Variants in ZBTB38 observed in about 807,000 individuals in gnomAD.
ZBTB38 encodes the protein zinc finger and BTB domain-containing protein 38.
ZBTB38 carries 20 observed loss-of-function variants against 76.8 expected under a neutral mutation model. The observed-to-expected ratio is 0.26, with a 90% confidence interval of 0.18 to 0.38. The LOEUF (loss-of-function observed/expected upper bound fraction) is 0.38, where lower values mean the gene tolerates loss of function less well. Ranked by LOEUF, ZBTB38 falls within the 10% of genes least tolerant of loss-of-function variation. ZBTB38 has a pLI of 1.00. For missense variants in ZBTB38, 1,082 were observed against 1,482.3 expected (o/e 0.73, Z 4.43); for synonymous variants, 504 against 544.2 (o/e 0.93, Z 1.03).
rs377451103 is a variant in ZBTB38, at chr3:141,445,666, G to A, written c.3278G>A (p.Arg1093His). The change falls in exon 6 of 6, where the codon CGT (arginine) becomes CAT (histidine). Residue 1093 changes from arginine to histidine, a missense_variant. Physicochemically the swap from Arg to His is conservative, Grantham distance 29 (BLOSUM62 0). This residue lies in a region of ZBTB38 where 69 missense variants were observed against 148.2 expected (regional missense o/e 0.47). Coordinates refer to ENST00000321464, the MANE Select transcript of ZBTB38 (RefSeq NM_001376113.1). This position sits in a 1 kb window ranked among gnomAD's most constrained non-coding sequence, Gnocchi z 6.5. ...IHERIHTGEK[R>H]YHCQFCFQRF... is the part of the protein sequence containing the mutation. ...GAAAGAATCCATACTGGAGAAAAGCGTTACCACTGTCAGTTCTGCTTTCAG... is the reference window on the plus strand; with the variant it reads ...GAAAGAATCCATACTGGAGAAAAGCATTACCACTGTCAGTTCTGCTTTCAG... 6.2e-6 allele frequency: 10 copies of A among 1,614,070 alleles called. No homozygotes were observed. Among genetic ancestry groups the A allele is most frequent in the African/African-American group, 1.3e-5 (1 of 74,922 alleles).
rs79607440 is a variant in ZBTB38, at chr3:141,356,317, G to C, written c.-738-12304G>C. On this transcript the variant is annotated intron_variant, in intron 1 of 7. Coordinates refer to the ZBTB38 transcript ENST00000509842. ...GGACTGCTCATACAGTGGCCCAGGG[G>C]TGAGAAGACAGACGGCTCTTCCCTC... 1.6e-4 allele frequency among the ~76,000 whole-genome samples: 24 copies of C among 152,224 alleles called. No individual in the cohort carries two copies. The East Asian group carries it at 4.2e-3, about 27-fold the overall frequency.
rs373606004 is a variant in ZBTB38, at chr3:141,340,106, G to A, written c.-739+15650G>A. On this transcript the variant is annotated intron_variant, in intron 1 of 7. Transcript: ENST00000509842. Reference sequence around the variant, plus strand: ...AAACTTATTAAATGTTGGAGTGGACGCAAACTTAGAGATGACCAAGTACAA... The same window carrying A: ...AAACTTATTAAATGTTGGAGTGGACACAAACTTAGAGATGACCAAGTACAA... Among the ~76,000 whole-genome samples the A allele has an allele frequency of 6.6e-5, 10 of 152,230 alleles. No homozygotes were observed. The East Asian group carries it at 7.7e-4, about 12-fold the overall frequency.
At chr3:141,341,159 T>G (rs1943187786) in intron 1 of ZBTB38, among the ~76,000 whole-genome samples, 1 of 152,146 alleles carries the variant, frequency 6.6e-6, no homozygotes, top group Admixed American at 6.6e-5. Context: ...CAGTAGCAAG[T>G]GCTGGTGAAG....
intron 5 of ZBTB38, among the ~76,000 whole-genome samples, chr3:141,412,427 GA>G (rs1361756931): frequency 1.3e-5 from 2 of 152,040 alleles, no homozygotes; most frequent in Non-Finnish European, 2.9e-5. Flanking sequence ...TTTCTAAAAT[GA>G]AAGCACAGGC....
intron 1 of ZBTB38, among the ~76,000 whole-genome samples, chr3:141,352,859 G>A (rs1264885832): frequency 1.3e-5 from 2 of 152,034 alleles, no homozygotes; most frequent in Non-Finnish European, 2.9e-5. Context: ...CAGATATCAA[G>A]CATGCACAGA....
intron 1 of ZBTB38, among the ~76,000 whole-genome samples, chr3:141,369,099 C>G (rs560398286): frequency 1.1e-3 from 162 of 152,032 alleles, no homozygotes; most frequent in African/African-American, 3.7e-3. Context: ...TCTTCCTCCC[C>G]TCACCTGAGT....
chr3:141,399,461 G>A (rs934487215), intron 4 of ZBTB38, among the ~76,000 whole-genome samples: 31 of 152,142 alleles, frequency 2.0e-4, no homozygotes, highest in African/African-American at 7.0e-4. Flanking sequence ...CACACAACAA[G>A]TAGCCTTTCA....
chr3:141,435,355 C>A (rs1275320947), intron 5 of ZBTB38, among the ~76,000 whole-genome samples: 1 of 152,168 alleles, frequency 6.6e-6, no homozygotes, highest in Non-Finnish European at 1.5e-5. Context: ...ATTTCTACAT[C>A]TGTGCATATA....
chr3:141,407,781 T>G (rs965112876), intron 5 of ZBTB38, among the ~76,000 whole-genome samples: 1 of 152,260 alleles, frequency 6.6e-6, no homozygotes, highest in Non-Finnish European at 1.5e-5. Flanking sequence ...ACCTGAGATT[T>G]GAGATGCTAG....
At chr3:141,357,231 CT>C (rs530019345) in intron 1 of ZBTB38, among the ~76,000 whole-genome samples, 33 of 152,014 alleles carry the variant, frequency 2.2e-4, no homozygotes, top group Non-Finnish European at 4.6e-4. Context: ...CTATGACTTA[CT>C]TTTTTTTCTT....
intron 1 of ZBTB38, among the ~76,000 whole-genome samples, chr3:141,359,472 A>G (rs889218631): frequency 6.6e-6 from 1 of 152,170 alleles, no homozygotes; most frequent in Admixed American, 6.5e-5. Flanking sequence ...AGCAAGAAGG[A>G]AGGAAGAGGT....
chr3:141,361,341 G>A (rs914241354), intron 1 of ZBTB38, among the ~76,000 whole-genome samples: 20 of 152,316 alleles, frequency 1.3e-4, no homozygotes, highest in South Asian at 4.1e-4. Flanking sequence ...CATAAGCGGA[G>A]CCTGCAGGAC....
intron 3 of ZBTB38, among the ~76,000 whole-genome samples, chr3:141,385,340 G>A (rs1236800719): frequency 6.6e-6 from 1 of 152,044 alleles, no homozygotes; most frequent in African/African-American, 2.4e-5. Context: ...ATCTAAGGGT[G>A]GGGGTGGGTA....
chr3:141,389,908 A>T (rs1948322836), intron 4 of ZBTB38: 1 of 152,202 alleles, frequency 6.6e-6, no homozygotes, highest in Non-Finnish European at 1.5e-5. Flanking sequence ...TGGTTGCGTC[A>T]TCTTGTAGAT....
Position 141,443,721 on chromosome 3 carries a change from C to CCT in ZBTB38, c.1334_1335insTC (p.Asp446GlnfsTer26). 6.2e-7 allele frequency: 1 copy of CCT among 1,613,996 alleles called. No individual in the cohort carries two copies. The highest frequency in any genetic ancestry group is 8.5e-7 in the Non-Finnish European group (1 of 1,180,042). On this transcript the variant is annotated frameshift_variant, in exon 6 of 6. Transcript: ENST00000321464. LOFTEE classifies it high-confidence loss of function. The surrounding 1 kb of genome is among the most constrained non-coding windows in gnomAD (Gnocchi z 5.6). ...ATTTTCCAGTACCGGAAGTACTTTG[C>CCT]CAGACACGGACCACATGGTTAAATT...
intron 1 of ZBTB38, among the ~76,000 whole-genome samples, chr3:141,340,422 A>G (rs1476373505): frequency 2.0e-5 from 3 of 152,200 alleles, no homozygotes; most frequent in Admixed American, 6.5e-5. Context: ...GCTAGAAACT[A>G]TGGGTATAAA....
chr3:141,366,133 T>C (rs910707535), upstream of ZBTB38: 2 of 152,250 alleles, frequency 1.3e-5, no homozygotes, highest in African/African-American at 4.8e-5. Flanking sequence ...TGATTTTATT[T>C]TCACTGTTAG....
At chr3:141,387,321 C>T (rs770752345) in intron 4 of ZBTB38, 8 of 152,088 alleles carry the variant, frequency 5.3e-5, no homozygotes, top group Non-Finnish European at 1.0e-4. Flanking sequence ...CAAAACTCTG[C>T]TACCAGATGG....
Position 141,390,533 on chromosome 3 carries a change from A to G in ZBTB38, c.-106+3596A>G, listed in dbSNP as rs540384409. 1.7e-3 allele frequency among the ~76,000 whole-genome samples: 266 copies of G among 152,280 alleles called. 2 individuals carry two copies. Among genetic ancestry groups the G allele is most frequent in the African/African-American group, 6.1e-3 (253 of 41,560 alleles). On this transcript the variant is annotated intron_variant, in intron 4 of 5. Coordinates refer to ENST00000321464, the MANE Select transcript of ZBTB38 (RefSeq NM_001376113.1). Reference sequence around the variant, plus strand: ...ATCCATTTCCATGGATCCCCCGGAGATGGACTGGGAATCAGACTATGACTT... The same window carrying G: ...ATCCATTTCCATGGATCCCCCGGAGGTGGACTGGGAATCAGACTATGACTT...
Sources: allele counts gnomAD v4.1 joint callset (sites outside exome capture counted in the v4.1 genomes callset), GRCh38; gene constraint gnomAD v4.1.1; regional missense constraint gnomAD v4.1.1; non-coding constraint Gnocchi (gnomAD v3.1); transcripts MANE v1.5; gene names NCBI Gene and HGNC (gene_info 2026-07-23, HGNC 2026-07-21).